The following GRIK3 variants were observed in gnomAD, a reference collection of about 807,000 sequenced individuals.
GRIK3 encodes the protein glutamate ionotropic receptor kainate type subunit 3.
In GRIK3, 29 loss-of-function variants were observed where a neutral mutation model predicts 102.5. That is an observed-to-expected ratio of 0.28 (90% CI 0.21 to 0.39). The LOEUF is 0.39. Among genes scored for constraint, GRIK3 ranks in the 10% least tolerant of loss-of-function variants. The pLI is 1.00. For synonymous variants in GRIK3, 511 were observed against 504.9 expected (o/e 1.01, Z -0.16); for missense variants, 908 against 1,252.4 (o/e 0.73, Z 4.15).
intron 1 of GRIK3, among the ~76,000 whole-genome samples, chr1:36,914,173 G>A (rs891222535): frequency 1.3e-5 from 2 of 152,196 alleles, no homozygotes; most frequent in South Asian, 4.1e-4. Context: ...TTGGGAAGAT[G>A]TGTCCTCTTG....
intron 13 of GRIK3, among the ~76,000 whole-genome samples, chr1:36,810,289 C>T (rs1010584226): frequency 6.6e-6 from 1 of 152,198 alleles, no homozygotes; most frequent in African/African-American, 2.4e-5. Flanking sequence ...TCTCACATAC[C>T]TACAGCTCCT....
intron 1 of GRIK3, among the ~76,000 whole-genome samples, chr1:36,905,449 T>C (rs888054992): frequency 3.3e-5 from 5 of 151,718 alleles, no homozygotes; most frequent in African/African-American, 1.2e-4. Flanking sequence ...GTGCTTTTTT[T>C]TTTGTTTTCC....
chr1:36,933,978 G>C (rs1641626009), intron 1 of GRIK3, among the ~76,000 whole-genome samples: 1 of 152,192 alleles, frequency 6.6e-6, no homozygotes, highest in Non-Finnish European at 1.5e-5. Context: ...TGCATGGTCA[G>C]AGACCACTGG....
In GRIK3 at chr1:36,926,481, C is replaced by CCCGGG. The variant is rs536096684; in HGVS notation, c.116-35390_116-35386dup. ...TCTCGGCTCACTGCCACCTCTGCCT[C>CCCGGG]CCGGGTTCAAGCGATTCTTCTGCCT... On this transcript the variant is annotated intron_variant, in intron 1 of 15. Coordinates refer to ENST00000373091, the MANE Select transcript of GRIK3 (RefSeq NM_000831.4). Among the ~76,000 whole-genome samples, 9 of 151,966 alleles carry CCCGGG rather than the reference C, an allele frequency of 5.9e-5. No individual in the cohort carries two copies. In the East Asian group the frequency reaches 1.7e-3, roughly 29 times the overall value.
At chr1:36,871,877 C>G (rs1254881516) in intron 4 of GRIK3, among the ~76,000 whole-genome samples, 2 of 152,186 alleles carry the variant, frequency 1.3e-5, no homozygotes, top group Non-Finnish European at 2.9e-5. Context: ...CTCCCGGCAG[C>G]CTCTGCCTCC....
At chr1:36,857,337 A>C (rs576557888) in intron 7 of GRIK3, among the ~76,000 whole-genome samples, 2 of 152,292 alleles carry the variant, frequency 1.3e-5, no homozygotes, top group African/African-American at 4.8e-5. Flanking sequence ...GAGTTCCCTG[A>C]GAGCAAGCGG....
At chr1:36,910,481 T>G (rs1432585583) in intron 1 of GRIK3, among the ~76,000 whole-genome samples, 1 of 151,262 alleles carries the variant, frequency 6.6e-6, no homozygotes, top group Admixed American at 6.6e-5. Flanking sequence ...TGCTCTCTGC[T>G]GCGCCTTAGC....
intron 2 of GRIK3, among the ~76,000 whole-genome samples, chr1:36,882,681 G>A (rs772340187): frequency 1.3e-5 from 2 of 152,132 alleles, no homozygotes; most frequent in Non-Finnish European, 2.9e-5. Context: ...GAGATCCACT[G>A]GACTGAGAAA....
chr1:36,962,201 T>G lies in GRIK3; in HGVS notation c.116-71105A>C, dbSNP rs144195841. Among the ~76,000 whole-genome samples the G allele has an allele frequency of 3.0e-3, 460 of 152,260 alleles. 1 individual carries two copies. Among genetic ancestry groups the G allele is most frequent in the African/African-American group, 0.01 (421 of 41,550 alleles). On this transcript the variant is annotated intron_variant, in intron 1 of 15. Transcript: ENST00000373091. ...GTACCTGCTTCTGAACAGGTTCGCA[T>G]GTATCAGCTTCTCCTCTTCTACTAG...
At chr1:36,982,934 G>A (rs1038885159) in intron 1 of GRIK3, among the ~76,000 whole-genome samples, 3 of 152,284 alleles carry the variant, frequency 2.0e-5, no homozygotes, top group South Asian at 4.1e-4. Flanking sequence ...CCCAGAACCC[G>A]ATCATCTCCG....
At chr1:36,807,861 T>C (rs1642517276) in intron 13 of GRIK3, among the ~76,000 whole-genome samples, 1 of 152,030 alleles carries the variant, frequency 6.6e-6, no homozygotes, top group African/African-American at 2.4e-5. Context: ...ACCTACAAAT[T>C]TACCTGCCCC....
intron 1 of GRIK3, among the ~76,000 whole-genome samples, chr1:36,950,794 T>C (rs1297647552): frequency 3.3e-5 from 5 of 152,278 alleles, no homozygotes; most frequent in African/African-American, 7.2e-5. Context: ...TGGAGGTTCA[T>C]GATTTGCGCG....
At chr1:36,863,563 T>A (rs1333371498) in intron 5 of GRIK3, among the ~76,000 whole-genome samples, 2 of 152,210 alleles carry the variant, frequency 1.3e-5, no homozygotes, top group African/African-American at 4.8e-5. Context: ...CTGCTTCTCG[T>A]CCCTCTGTTC....
Position 36,795,916 on chromosome 1 carries a change from G to T in GRIK3, c.*5935C>A, listed in dbSNP as rs1046725462. 6.6e-6 allele frequency: 1 copy of T among 152,344 alleles called. No individual in the cohort carries two copies. Among genetic ancestry groups the T allele is most frequent in the African/African-American group, 2.4e-5 (1 of 41,418 alleles). 9.4% of individuals were successfully genotyped at this position (152,344 alleles called of 1,614,324 possible). A position where few individuals can be genotyped will look rare whatever the true frequency, so the allele number is the denominator to read the frequency against. ...CTCAGCCCAGAGCCTGGGAACTGAG[G>T]CCCCTACCATGGGAGGCCCAACCAG... is the stretch of plus-strand genomic sequence containing the variant. On this transcript the variant is annotated 3_prime_UTR_variant, in exon 16 of 16. Transcript: ENST00000373091.
intron 7 of GRIK3, among the ~76,000 whole-genome samples, chr1:36,858,809 C>T (rs999312173): frequency 6.6e-6 from 1 of 152,166 alleles, no homozygotes; most frequent in Non-Finnish European, 1.5e-5. Flanking sequence ...GGTCATACAG[C>T]GAGGAAGCAA....
chr1:36,818,457 C>T (rs1642654916), intron 12 of GRIK3, among the ~76,000 whole-genome samples: 1 of 152,254 alleles, frequency 6.6e-6, no homozygotes, highest in Admixed American at 6.5e-5. Context: ...TGGCCACTCC[C>T]AGCCTCCCCA....
chr1:36,869,856 C>A (rs191124355), intron 4 of GRIK3, 55 bp from the exon 5 acceptor site: 3 of 1,348,450 alleles, frequency 2.2e-6, no homozygotes, highest in Non-Finnish European at 3.2e-6. Context: ...CAGCCCTCCC[C>A]ACATCCCCAC....
intron 10 of GRIK3, among the ~76,000 whole-genome samples, chr1:36,827,319 T>G (rs906592058): frequency 2.6e-5 from 4 of 152,168 alleles, no homozygotes; most frequent in African/African-American, 9.7e-5. Flanking sequence ...CCCTGGGGCT[T>G]CTGTGGATAT....
Position 36,809,767 on chromosome 1 carries a change from A to G in GRIK3, c.2092-3441T>C, listed in dbSNP as rs564011018. ...GTTGAGGCAGATGGGCTCTGAGGAA[A>G]GACACAAGAAAGGCACCAGTGGGTA... On this transcript the variant is annotated intron_variant, in intron 13 of 15. Transcript: ENST00000373091. Among the ~76,000 whole-genome samples, 6 of 152,318 alleles carry G rather than the reference A, an allele frequency of 3.9e-5. No homozygotes were observed. In the East Asian group the frequency reaches 1.2e-3, roughly 29 times the overall value.
Sources: gnomAD v4.1 joint callset for allele counts (sites outside exome capture counted in the v4.1 genomes callset) on GRCh38, gnomAD v4.1.1 for gene constraint, MANE v1.5 for transcripts, NCBI Gene and HGNC (gene_info 2026-07-23, HGNC 2026-07-21) for gene names.